G6PC2: variants seen among roughly 807,000 people sequenced by gnomAD.
The protein encoded by G6PC2 is glucose-6-phosphatase 2.
In G6PC2, 41 loss-of-function variants were observed where a neutral mutation model predicts 35.4. The ratio of observed to expected loss-of-function variants is 1.16; its 90% CI spans 0.90 to 1.50. G6PC2 has a LOEUF of 1.50. Among genes scored for constraint, G6PC2 ranks in the 40% most tolerant of loss-of-function variants. G6PC2 has a pLI of 0.00. For missense variants in G6PC2, 441 were observed against 426.5 expected, an observed-to-expected ratio of 1.03 and a Z score of -0.30; for synonymous variants, 165 against 153.2, an observed-to-expected ratio of 1.08 and a Z score of -0.57.
chr2:168,906,287 C>A (rs540914059), intron 3 of G6PC2, among the ~76,000 whole-genome samples: 2 of 151,962 alleles, frequency 1.3e-5, no homozygotes, highest in Non-Finnish European at 2.9e-5. Flanking sequence ...TAGGGCAGGG[C>A]GTGAAAATAT....
intron 2 of G6PC2, among the ~76,000 whole-genome samples, chr2:168,903,286 C>T (rs576279462): frequency 6.6e-6 from 1 of 152,134 alleles, no homozygotes; most frequent in Non-Finnish European, 1.5e-5. Context: ...TGACATCCTT[C>T]GAAACTAACT....
chr2:168,902,902 T>C, intron 2 of G6PC2: 1 of 323,790 alleles, frequency 3.1e-6, no homozygotes, highest in Non-Finnish European at 5.8e-6. Flanking sequence ...AAATGTTGGT[T>C]AATCTGCTGC....
Position 168,907,785 on chromosome 2 carries a change from A to G in G6PC2, c.774A>G (p.Gly258=). Residue 258 remains glycine, a synonymous_variant, in exon 5 of 5, where the codon GGA becomes GGG. Coordinates refer to ENST00000375363, the MANE Select transcript of G6PC2 (RefSeq NM_021176.3). ...WIHIDTTPFA[G]LVRNLGVLFG... ...ACATTGACACCACGCCTTTTGCTGG[A>G]CTCGTGAGAAACCTTGGGGTCCTCT... The G allele has an allele frequency of 1.9e-6, 3 of 1,613,928 alleles. No individual in the cohort carries two copies. The highest frequency in any genetic ancestry group is 3.3e-5 in the Admixed American group (2 of 60,006).
chr2:168,906,681 T>G lies in G6PC2; in HGVS notation c.458T>G (p.Leu153Arg), dbSNP rs1408245012. 3 of 1,583,502 alleles carry G rather than the reference T, an allele frequency of 1.9e-6. No individual in the cohort carries two copies. Among genetic ancestry groups the G allele is most frequent in the Non-Finnish European group, 2.6e-6 (3 of 1,152,056 alleles). Residue 153 changes from leucine to arginine, a missense_variant, in exon 4 of 5, where the codon CTT (leucine) becomes CGT (arginine). Leu to Arg is a moderately radical substitution (Grantham distance 102). Transcript: ENST00000375363. ...ITLHRLTWSF[L>R]WSVFWLIQIS... ...CATCGTAGACTGACCTGGTCATTTC[T>G]TTGGAGTGTTTTTTGGTTGATTCAA...
chr2:168,909,064 A>T lies in G6PC2; in HGVS notation c.*985A>T, dbSNP rs1690793223. On this transcript the variant is annotated 3_prime_UTR_variant, in exon 5 of 5. Transcript: ENST00000375363. ...CAAGAGGTAAAAATCAGTAAGAATGAATGCTTTCATTTAGATTCTATGATG... is the reference window on the plus strand; with the variant it reads ...CAAGAGGTAAAAATCAGTAAGAATGTATGCTTTCATTTAGATTCTATGATG... 6.6e-6 allele frequency: 1 copy of T among 152,172 alleles called. No homozygotes were observed. The highest frequency in any genetic ancestry group is 2.4e-5 in the African/African-American group (1 of 41,450). 9.4% of individuals were successfully genotyped at this position (152,172 alleles called of 1,614,324 possible).
chr2:168,903,647 C>G (rs1690649039), intron 2 of G6PC2, among the ~76,000 whole-genome samples: 1 of 152,086 alleles, frequency 6.6e-6, no homozygotes, highest in African/African-American at 2.4e-5. Flanking sequence ...AAGACTGCAT[C>G]TCTCGGGGAG....
intron 1 of G6PC2, 88 bp from the exon 2 acceptor site, chr2:168,902,356 AT>A: frequency 1.4e-6 from 1 of 727,504 alleles, no homozygotes; most frequent in Non-Finnish European, 2.5e-6. Flanking sequence ...CGCTTGAGTC[AT>A]TTTTTATAGG....
chr2:168,903,889 T>C (rs1690653922), intron 2 of G6PC2, among the ~76,000 whole-genome samples: 1 of 152,250 alleles, frequency 6.6e-6, no homozygotes, highest in East Asian at 1.9e-4. Flanking sequence ...TCTTTATAGC[T>C]TCTCCTCATC....
Position 168,907,568 on chromosome 2 carries a change from G to A in G6PC2, c.557G>A (p.Gly186Asp), listed in dbSNP as rs764817338. Residue 186 changes from glycine (G) to aspartate (D), a missense_variant and splice_region_variant, in exon 5 of 5, where the codon GGC becomes GAC. Physicochemically the swap from Gly to Asp is moderately conservative, Grantham distance 94 (BLOSUM62 -1). Coordinates refer to ENST00000375363, the MANE Select transcript of G6PC2 (RefSeq NM_021176.3). ...PHQVILGVIGGMLVAEAFEHT... is the reference protein window; with the variant it reads ...PHQVILGVIGDMLVAEAFEHT... ...GTCAGTGTCTCTTTCCAATCCTCAG[G>A]CATGCTGGTGGCAGAGGCCTTTGAA... 5 of 1,613,922 alleles carry A rather than the reference G, an allele frequency of 3.1e-6. No individual in the cohort carries two copies. The South Asian group carries it at 4.4e-5, about 14-fold the overall frequency.
Position 168,908,965 on chromosome 2 carries a change from C to T in G6PC2, c.*886C>T, listed in dbSNP as rs1690790822. ...AGGATGTTCCACCCATGTCAGCCTC[C>T]CACAGTGCTGGGATTGCAGGCTTGA... On this transcript the variant is annotated 3_prime_UTR_variant, in exon 5 of 5. Coordinates refer to ENST00000375363, the MANE Select transcript of G6PC2 (RefSeq NM_021176.3). 6.6e-6 allele frequency: 1 copy of T among 152,156 alleles called. No individual in the cohort carries two copies. The highest frequency in any genetic ancestry group is 2.1e-4 in the South Asian group (1 of 4,806). The allele number at this position is 152,156 out of a possible 1,614,324, so 9.4% of individuals were successfully genotyped here.
intron 2 of G6PC2, among the ~76,000 whole-genome samples, chr2:168,904,282 A>T (rs981094634): frequency 6.6e-6 from 1 of 152,090 alleles, no homozygotes; most frequent in African/African-American, 2.4e-5. Flanking sequence ...AATTCAATGA[A>T]CCTGAAAATC....
At position 168,908,693 on chromosome 2, in the gene G6PC2, T is replaced by C. The variant is rs931488342; in HGVS notation, c.*614T>C. The C allele has an allele frequency of 6.4e-6, 1 of 156,462 alleles. No individual in the cohort carries two copies. 9.7% of individuals were successfully genotyped at this position (156,462 alleles called of 1,614,324 possible). A position where few individuals can be genotyped will look rare whatever the true frequency, so the allele number is the denominator to read the frequency against. On this transcript the variant is annotated 3_prime_UTR_variant, in exon 5 of 5. Transcript: ENST00000375363. ...TGTGCACACATGCACATGCTTTTTG[T>C]TTGTATGTTTCCTTTTTAGAACCAG...
At chr2:168,907,271 G>A (rs1435969438) in intron 4 of G6PC2, among the ~76,000 whole-genome samples, 1 of 152,096 alleles carries the variant, frequency 6.6e-6, no homozygotes, top group Non-Finnish European at 1.5e-5. Context: ...ATTGGCTATG[G>A]CAATTGAAAT....
At chr2:168,904,867 C>T (rs937327669) in intron 3 of G6PC2, among the ~76,000 whole-genome samples, 1 of 152,116 alleles carries the variant, frequency 6.6e-6, no homozygotes, top group African/African-American at 2.4e-5. Flanking sequence ...GCTAAATGTG[C>T]CTCTGGGTTT....
At chr2:168,902,652 A>G in intron 2 of G6PC2, 98 bp downstream of exon 2, 1 of 753,282 alleles carries the variant, frequency 1.3e-6, no homozygotes, top group Non-Finnish European at 2.5e-6. Flanking sequence ...TAGGGTAGTA[A>G]AGAAAATCTC....
chr2:168,906,226 C>A (rs1282344994), intron 3 of G6PC2, among the ~76,000 whole-genome samples: 2 of 151,728 alleles, frequency 1.3e-5, no homozygotes, highest in Non-Finnish European at 2.9e-5. Context: ...ATGGTAGCTG[C>A]GTTTCTACTG....
In G6PC2 at chr2:168,907,729, A is replaced by G; in HGVS notation, c.718A>G (p.Lys240Glu). Residue 240 changes from lysine (K) to glutamate (E), a missense_variant, in exon 5 of 5, where the codon AAA becomes GAA. Coordinates refer to ENST00000375363, the MANE Select transcript of G6PC2 (RefSeq NM_021176.3). ...IDLLWSVPIA[K>E]KWCANPDWIH... ...CCTGCTGTGGTCCGTGCCCATAGCC[A>G]AAAAGTGGTGTGCTAACCCCGACTG... 1 of 1,614,030 alleles carries G rather than the reference A, an allele frequency of 6.2e-7. No individual in the cohort carries two copies. Among genetic ancestry groups the G allele is most frequent in the Non-Finnish European group, 8.5e-7 (1 of 1,179,928 alleles).
chr2:168,903,489 G>A (rs921628416), intron 2 of G6PC2, among the ~76,000 whole-genome samples: 2 of 152,142 alleles, frequency 1.3e-5, no homozygotes, highest in African/African-American at 2.4e-5. Flanking sequence ...GTTTATCTTT[G>A]TGAAACCAAA....
chr2:168,906,774 T>C lies in G6PC2; in HGVS notation c.551T>C (p.Ile184Thr), dbSNP rs767933484. Reference sequence around the variant, plus strand: ...CCTCATCAAGTTATTCTTGGAGTAATTGGTGGTAAATATGATCACTTACCT... The same window carrying C: ...CCTCATCAAGTTATTCTTGGAGTAACTGGTGGTAAATATGATCACTTACCT... Reference protein sequence around the residue: ...HFPHQVILGVIGGMLVAEAFE... With the variant: ...HFPHQVILGVTGGMLVAEAFE... Residue 184 changes from isoleucine to threonine, a missense_variant, in exon 4 of 5, where the codon ATT becomes ACT. Ile to Thr is a moderately conservative substitution (Grantham distance 89). Coordinates refer to ENST00000375363, the MANE Select transcript of G6PC2 (RefSeq NM_021176.3). 3 of 1,438,612 alleles carry C rather than the reference T, an allele frequency of 2.1e-6. No individual in the cohort carries two copies. In the Admixed American group the frequency reaches 5.0e-5, roughly 24 times the overall value. 89.1% of individuals were successfully genotyped at this position (1,438,612 alleles called of 1,614,324 possible).
Sources: allele counts gnomAD v4.1 joint callset (sites outside exome capture counted in the v4.1 genomes callset), GRCh38; gene constraint gnomAD v4.1.1; transcripts MANE v1.5; gene names NCBI Gene and HGNC (gene_info 2026-07-23, HGNC 2026-07-21).